ATG16L1: variants seen among roughly 807,000 people sequenced by gnomAD.
ATG16L1 encodes the protein autophagy related 16 like 1.
Under a neutral mutation model 88.5 loss-of-function variants are expected in ATG16L1, and 37 were observed. That is an observed-to-expected ratio of 0.42 (90% CI 0.32 to 0.55). The LOEUF (loss-of-function observed/expected upper bound fraction) is 0.55, where lower values mean the gene tolerates loss of function less well. Among genes scored for constraint, ATG16L1 ranks in the 20% least tolerant of loss-of-function variants. The probability of loss-of-function intolerance (pLI) is 0.13; values close to 1 mark genes in which losing one functional copy is unlikely to be tolerated. For synonymous variants in ATG16L1, 301 were observed against 281.0 expected (o/e 1.07, Z -0.71); for missense variants, 554 against 752.8 (o/e 0.74, Z 3.09).
Position 233,251,702 on chromosome 2 carries a change from C to T in ATG16L1, c.-126C>T, listed in dbSNP as rs991666109. 9.7e-6 allele frequency: 8 copies of T among 821,610 alleles called. No individual in the cohort carries two copies. The highest frequency in any genetic ancestry group is 3.0e-5 in the South Asian group (2 of 66,882). The allele number at this position is 821,610 out of a possible 1,614,324, so 50.9% of individuals were successfully genotyped here. A position where few individuals can be genotyped will look rare whatever the true frequency, so the allele number is the denominator to read the frequency against. ...CGTCCCGGATGGCCTCGGGGACTGCCAGTGTGTGGAGGTGAGCTCCGGGAT... is the reference window on the plus strand; with the variant it reads ...CGTCCCGGATGGCCTCGGGGACTGCTAGTGTGTGGAGGTGAGCTCCGGGAT... On this transcript the variant is annotated 5_prime_UTR_variant, in exon 1 of 18. Coordinates refer to ENST00000392017, the MANE Select transcript of ATG16L1 (RefSeq NM_030803.7).
intron 16 of ATG16L1, 149 bp from the exon 17 acceptor site, chr2:233,293,107 G>T (rs1362303708): frequency 5.8e-6 from 4 of 684,392 alleles, no homozygotes. Flanking sequence ...TTGGCTGGAA[G>T]GGCCATGACT....
intron 1 of ATG16L1, 80 bp downstream of exon 1, chr2:233,252,022 C>A: frequency 7.7e-7 from 1 of 1,291,432 alleles, no homozygotes; most frequent in South Asian, 1.6e-5. Context: ...GAACCTGAGG[C>A]CGAGTCCCTG....
intron 12 of ATG16L1, among the ~76,000 whole-genome samples, chr2:233,285,221 A>G (rs1008174908): frequency 3.3e-5 from 5 of 152,240 alleles, no homozygotes; most frequent in African/African-American, 9.6e-5. Flanking sequence ...CTAGACTGAG[A>G]TACAGTAAAA....
At chr2:233,291,871 C>T (rs982674015) in intron 14 of ATG16L1, among the ~76,000 whole-genome samples, 1 of 152,094 alleles carries the variant, frequency 6.6e-6, no homozygotes, top group African/African-American at 2.4e-5. Context: ...AACCGATGGG[C>T]GATTGTTGTC....
intron 16 of ATG16L1, 112 bp from the exon 17 acceptor site, chr2:233,293,144 C>A: frequency 3.3e-6 from 3 of 905,550 alleles, no homozygotes; most frequent in South Asian, 2.9e-5. Flanking sequence ...TCTGGGTACA[C>A]AGGAGTGGTC....
intron 1 of ATG16L1, among the ~76,000 whole-genome samples, chr2:233,253,332 G>GTTTTTTTTTTTTT (rs570754671): frequency 3.5e-5 from 4 of 112,890 alleles, no homozygotes; most frequent in Non-Finnish European, 5.4e-5. Flanking sequence ...GTGAGACTGG[G>GTTTTTTTTTTTTT]TTTTTTTGTT....
intron 9 of ATG16L1, among the ~76,000 whole-genome samples, chr2:233,276,895 A>C (rs1184499369): frequency 6.6e-6 from 1 of 152,214 alleles, no homozygotes; most frequent in African/African-American, 2.4e-5. Context: ...TAAAATAACG[A>C]CTGTCATTTT....
chr2:233,252,266 T>C (rs2125185132), intron 1 of ATG16L1, among the ~76,000 whole-genome samples: 1 of 152,370 alleles, frequency 6.6e-6, no homozygotes, highest in East Asian at 1.9e-4. Context: ...GTCATGTTAA[T>C]GAAACGGTCG....
In ATG16L1 at chr2:233,282,679, C is replaced by T; in HGVS notation, c.1132-3C>T. The T allele has an allele frequency of 6.2e-7, 1 of 1,613,902 alleles. No homozygotes were observed. Among genetic ancestry groups the T allele is most frequent in the Non-Finnish European group, 8.5e-7 (1 of 1,179,806 alleles). On this transcript the variant is annotated splice_region_variant and splice_polypyrimidine_tract_variant and intron_variant, in intron 11 of 17. Coordinates refer to ENST00000392017, the MANE Select transcript of ATG16L1 (RefSeq NM_030803.7). ...TTGGTTTTCCTCTTCTTTATTCCCA[C>T]AGGGATCTTACCTCTTAGCAGCTTC...
chr2:233,254,119 C>A (rs374806669), intron 1 of ATG16L1, among the ~76,000 whole-genome samples: 2 of 151,752 alleles, frequency 1.3e-5, no homozygotes, highest in South Asian at 4.1e-4. Flanking sequence ...AAAGCGTTAT[C>A]TCTTTGACAC....
At chr2:233,280,727 T>C (rs1178004217) in intron 10 of ATG16L1, among the ~76,000 whole-genome samples, 3 of 152,242 alleles carry the variant, frequency 2.0e-5, no homozygotes, top group Non-Finnish European at 4.4e-5. Context: ...CAAATATTTA[T>C]GTATGTAAGT....
intron 2 of ATG16L1, among the ~76,000 whole-genome samples, chr2:233,262,047 T>C (rs1213015504): frequency 1.3e-5 from 2 of 152,080 alleles, no homozygotes; most frequent in Non-Finnish European, 2.9e-5. Flanking sequence ...ACTCTTTAGG[T>C]CTCCTCCAAA....
At chr2:233,261,606 T>C (rs1479009524) in intron 2 of ATG16L1, among the ~76,000 whole-genome samples, 1 of 152,282 alleles carries the variant, frequency 6.6e-6, no homozygotes, top group East Asian at 1.9e-4. Flanking sequence ...TTTATCCCCC[T>C]CTTTTTATTT....
intron 12 of ATG16L1, among the ~76,000 whole-genome samples, chr2:233,286,621 C>CCT (rs34087184): frequency 1.1e-5 from 1 of 93,290 alleles, no homozygotes; most frequent in African/African-American, 4.7e-5. Context: ...GAAGCCCAAA[C>CCT]TTTTTTTTTT....
chr2:233,277,591 C>T lies in ATG16L1; in HGVS notation c.978C>T (p.Asn326=), dbSNP rs781637639. 14 of 1,613,838 alleles carry T rather than the reference C, an allele frequency of 8.7e-6. No homozygotes were observed. Among genetic ancestry groups the T allele is most frequent in the Admixed American group, 3.3e-5 (2 of 59,998 alleles). The change falls in exon 10 of 18, where the codon AAC becomes AAT. Residue 326 remains asparagine, a synonymous_variant. Coordinates refer to ENST00000392017, the MANE Select transcript of ATG16L1 (RefSeq NM_030803.7). ...AGGATGCACATGATGGGGAAGTCAA[C>T]GCTGTGCAGTTCAGTCCAGGTTCCC... ...CVFDAHDGEV[N]AVQFSPGSRL... is the part of the protein sequence containing the mutation.
rs541245937 is a variant in ATG16L1, at chr2:233,289,177, A to C, written c.1204-677A>C. ...TGTGGTAGAGCTGATTTCAAATTCAAGATTGAGGATGGGGAGCACGTGAAG... is the reference window on the plus strand; with the variant it reads ...TGTGGTAGAGCTGATTTCAAATTCACGATTGAGGATGGGGAGCACGTGAAG... On this transcript the variant is annotated intron_variant, in intron 12 of 17. Coordinates refer to ENST00000392017, the MANE Select transcript of ATG16L1 (RefSeq NM_030803.7). 2.5e-4 allele frequency among the ~76,000 whole-genome samples: 38 copies of C among 152,344 alleles called. No individual in the cohort carries two copies. The South Asian group carries it at 7.7e-3, about 31-fold the overall frequency.
At chr2:233,280,977 T>A (rs1698682744) in intron 10 of ATG16L1, 128 bp from the exon 11 acceptor site, 1 of 579,296 alleles carries the variant, frequency 1.7e-6, no homozygotes, top group African/African-American at 1.9e-5. Context: ...TGTTTGATTC[T>A]GTAAAGGTAC....
chr2:233,288,721 C>T (rs758792226), intron 12 of ATG16L1: 14 of 515,882 alleles, frequency 2.7e-5, no homozygotes, highest in East Asian at 1.1e-4. Flanking sequence ...GATCCCCTCC[C>T]GGCATCCCAG....
intron 12 of ATG16L1, among the ~76,000 whole-genome samples, chr2:233,286,308 T>C (rs1377831056): frequency 2.6e-5 from 4 of 152,112 alleles, no homozygotes; most frequent in Admixed American, 2.0e-4. Context: ...AGCAGAGAAA[T>C]CTTGAAGCCT....
Sources: gnomAD v4.1 joint callset for allele counts (sites outside exome capture counted in the v4.1 genomes callset) on GRCh38, gnomAD v4.1.1 for gene constraint, MANE v1.5 for transcripts, NCBI Gene and HGNC (gene_info 2026-07-23, HGNC 2026-07-21) for gene names.